LMTK2: variants seen among roughly 807,000 people sequenced by gnomAD.
LMTK2 encodes serine/threonine-protein kinase LMTK2.
In LMTK2, 37 loss-of-function variants were observed where a neutral mutation model predicts 127.5. That is an observed-to-expected ratio of 0.29 (90% confidence interval 0.22 to 0.38). The LOEUF is 0.38. Ranked by LOEUF, LMTK2 falls within the 10% of genes least tolerant of loss-of-function variation. The pLI, the probability that LMTK2 is intolerant of heterozygous loss-of-function variation, is 1.00. For synonymous variants in LMTK2, 819 were observed against 810.1 expected, an observed-to-expected ratio of 1.01 and a Z score of -0.19; for missense variants, 1,694 against 1,920.3, an observed-to-expected ratio of 0.88 and a Z score of 2.20.
chr7:98,141,061 C>A (rs1389431233), intron 2 of LMTK2, among the ~76,000 whole-genome samples: 1 of 136,140 alleles, frequency 7.3e-6, no homozygotes, highest in African/African-American at 2.5e-5. Flanking sequence ...CAGAGCAAAA[C>A]CTTGTCTCAA....
intron 5 of LMTK2, among the ~76,000 whole-genome samples, chr7:98,157,498 T>C (rs979319593): frequency 6.6e-6 from 1 of 152,030 alleles, no homozygotes; most frequent in Admixed American, 6.6e-5. Flanking sequence ...CAGTGAAAAC[T>C]TTTTTCCGTA....
Position 98,186,988 on chromosome 7 carries a change from A to G in LMTK2, c.988A>G (p.Ser330Gly), listed in dbSNP as rs1194450514. Reference sequence around the variant, plus strand: ...GCTAACTGCAGATCAGACTAAGTATAGTAATATCTGGTACGTATTGGCTTA... The same window carrying G: ...GCTAACTGCAGATCAGACTAAGTATGGTAATATCTGGTACGTATTGGCTTA... ...RLLTADQTKYSNIWSLGVTLW... is the reference protein window; with the variant it reads ...RLLTADQTKYGNIWSLGVTLW... The change falls in exon 9 of 14, where the codon AGT (serine) becomes GGT (glycine). Residue 330 changes from serine (S) to glycine (G), a missense_variant. Physicochemically the swap from Ser to Gly is moderately conservative, Grantham distance 56. Transcript: ENST00000297293. 2.5e-6 allele frequency: 4 copies of G among 1,612,546 alleles called. No individual in the cohort carries two copies. The highest frequency in any genetic ancestry group is 2.2e-5 in the East Asian group (1 of 44,864).
At chr7:98,198,518 G>A (rs907719147) in intron 11 of LMTK2, among the ~76,000 whole-genome samples, 4 of 151,888 alleles carry the variant, frequency 2.6e-5, no homozygotes, top group Non-Finnish European at 4.4e-5. Flanking sequence ...ACTGGGTCTC[G>A]CTCTGTCGCC....
At chr7:98,203,518 CG>C in intron 11 of LMTK2, 55 bp from the exon 12 acceptor site, 3 of 1,542,704 alleles carry the variant, frequency 1.9e-6, no homozygotes, top group Non-Finnish European at 2.6e-6. Flanking sequence ...AGCGGTCACA[CG>C]GGGGGTTCCC....
chr7:98,165,454 G>A (rs1223970513), intron 6 of LMTK2, among the ~76,000 whole-genome samples: 1 of 152,134 alleles, frequency 6.6e-6, no homozygotes, highest in East Asian at 1.9e-4. Flanking sequence ...GTGTGTTTAC[G>A]GGTGGCTTGA....
chr7:98,158,969 G>T (rs1300995312), intron 5 of LMTK2, among the ~76,000 whole-genome samples: 1 of 152,148 alleles, frequency 6.6e-6, no homozygotes, highest in Non-Finnish European at 1.5e-5. Context: ...GAGGTGGCAG[G>T]ATCACTTGAG....
At chr7:98,153,722 T>G (rs1319076933) in intron 4 of LMTK2, among the ~76,000 whole-genome samples, 1 of 151,964 alleles carries the variant, frequency 6.6e-6, no homozygotes, top group Non-Finnish European at 1.5e-5. Flanking sequence ...AAAAATTCGC[T>G]GAGTGGGATG....
At chr7:98,205,190 A>G (rs1275395763) in intron 13 of LMTK2, among the ~76,000 whole-genome samples, 1 of 152,250 alleles carries the variant, frequency 6.6e-6, no homozygotes, top group Non-Finnish European at 1.5e-5. Context: ...AACACCTGCT[A>G]TCTGCCAGTC....
At chr7:98,109,993 C>T (rs1584237596) in intron 1 of LMTK2, among the ~76,000 whole-genome samples, 1 of 152,174 alleles carries the variant, frequency 6.6e-6, no homozygotes, top group East Asian at 1.9e-4. Context: ...AAAAACCTAA[C>T]TAAAGCTTCT....
chr7:98,126,638 T>C (rs1241720570), intron 1 of LMTK2: 1 of 152,208 alleles, frequency 6.6e-6, no homozygotes, highest in Non-Finnish European at 1.5e-5. Flanking sequence ...AGCTTTTCTG[T>C]AGTAGTCTCC....
At position 98,154,829 on chromosome 7, in the gene LMTK2, C is replaced by T. The variant is rs1796904649; in HGVS notation, c.522C>T (p.Ala174=). Residue 174 remains alanine, a synonymous_variant, in exon 5 of 14, where the codon GCC becomes GCT. Transcript: ENST00000297293. The part of the protein sequence containing the change: ...RVIVKELKAS[A]NPKEQDTFLK... ...TCGTGAAGGAGTTAAAAGCAAGTGC[C>T]AACCCAAAGGAACAAGATACTTTTT... The T allele has an allele frequency of 6.2e-7, 1 of 1,613,324 alleles. No homozygotes were observed. Among genetic ancestry groups the T allele is most frequent in the Non-Finnish European group, 8.5e-7 (1 of 1,179,388 alleles).
chr7:98,141,503 T>C lies in LMTK2; in HGVS notation c.338T>C (p.Ile113Thr), dbSNP rs1252081679. The C allele has an allele frequency of 1.2e-6, 2 of 1,614,052 alleles. No individual in the cohort carries two copies. The highest frequency in any genetic ancestry group is 1.1e-5 in the South Asian group (1 of 91,070). ...AEVFTLSVPN[I>T]SLPAPSQFQP... is the part of the protein sequence containing the mutation. Reference sequence around the variant, plus strand: ...GTCTTCACACTTTCAGTACCAAATATTTCACTCCCAGCTCCCTCGCAATTC... The same window carrying C: ...GTCTTCACACTTTCAGTACCAAATACTTCACTCCCAGCTCCCTCGCAATTC... Residue 113 changes from isoleucine to threonine, a missense_variant, in exon 3 of 14, where the codon ATT (isoleucine) becomes ACT (threonine). This residue lies in a region of LMTK2 where 203 missense variants were observed against 226.2 expected (regional missense o/e 0.90). Coordinates refer to ENST00000297293, the MANE Select transcript of LMTK2 (RefSeq NM_014916.4).
At chr7:98,123,087 C>T (rs1439555413) in intron 1 of LMTK2, among the ~76,000 whole-genome samples, 1 of 152,096 alleles carries the variant, frequency 6.6e-6, no homozygotes, top group Non-Finnish European at 1.5e-5. Context: ...GAATCCCTGT[C>T]CTGTCCCGTT....
intron 1 of LMTK2, among the ~76,000 whole-genome samples, chr7:98,121,627 A>G (rs942173859): frequency 1.3e-5 from 2 of 151,112 alleles, no homozygotes; most frequent in South Asian, 2.1e-4. Context: ...GCCAGACTCC[A>G]TCTCAAAAAA....
chr7:98,144,653 T>C (rs1205732586), intron 3 of LMTK2, among the ~76,000 whole-genome samples: 4 of 152,096 alleles, frequency 2.6e-5, no homozygotes, highest in African/African-American at 9.7e-5. Context: ...AAAAGACTTT[T>C]TATAGAGAAG....
intron 6 of LMTK2, among the ~76,000 whole-genome samples, chr7:98,163,833 TACAAAGGGC>T (rs3060663): frequency 0.053 from 8,134 of 152,128 alleles, 611 homozygotes; most frequent in East Asian, 0.36. Context: ...CTGGCCGCAA[TACAAAGGGC>T]ACAAAGGGCA....
chr7:98,130,041 G>A (rs1170137607), intron 1 of LMTK2, among the ~76,000 whole-genome samples: 1 of 152,102 alleles, frequency 6.6e-6, no homozygotes, highest in African/African-American at 2.4e-5. Context: ...AGCTCTGATG[G>A]GCAGGGATGA....
chr7:98,199,817 C>T (rs1038883637), intron 11 of LMTK2, among the ~76,000 whole-genome samples: 4 of 152,134 alleles, frequency 2.6e-5, no homozygotes, highest in East Asian at 1.9e-4. Context: ...TTAATGTTTG[C>T]GTGGTGTATC....
intron 9 of LMTK2, among the ~76,000 whole-genome samples, chr7:98,188,017 C>T (rs1401251043): frequency 1.3e-5 from 2 of 152,186 alleles, no homozygotes; most frequent in Non-Finnish European, 2.9e-5. Flanking sequence ...TCAAAAGCCG[C>T]TCTTAGAGCT....
Sources: gnomAD v4.1 joint callset for allele counts (sites outside exome capture counted in the v4.1 genomes callset) on GRCh38, gnomAD v4.1.1 for gene constraint, gnomAD v4.1.1 regional missense constraint, MANE v1.5 for transcripts, NCBI Gene and HGNC (gene_info 2026-07-23, HGNC 2026-07-21) for gene names.